GABRG3: variants seen among roughly 807,000 people sequenced by gnomAD.
GABRG3 encodes the protein gamma-aminobutyric acid receptor subunit gamma-3.
A neutral mutation model predicts 48.8 loss-of-function variants in GABRG3; 25 were observed. The ratio of observed to expected loss-of-function variants is 0.51; its 90% CI spans 0.37 to 0.72. The LOEUF (loss-of-function observed/expected upper bound fraction) is 0.72, where lower values mean the gene tolerates loss of function less well. Among genes scored for constraint, GABRG3 ranks in the 30% least tolerant of loss-of-function variants. The probability of loss-of-function intolerance (pLI) is 0.00; values close to 1 mark genes in which losing one functional copy is unlikely to be tolerated. For missense variants in GABRG3, 394 were observed against 577.9 expected, an observed-to-expected ratio of 0.68 and a Z score of 3.26; for synonymous variants, 227 against 217.6, an observed-to-expected ratio of 1.04 and a Z score of -0.38.
At chr15:27,166,394 A>G (rs553913671) in intron 3 of GABRG3, among the ~76,000 whole-genome samples, 1 of 152,342 alleles carries the variant, frequency 6.6e-6, no homozygotes, top group Non-Finnish European at 1.5e-5. Context: ...AATGTGGACA[A>G]CATCTTCTTC....
At chr15:27,269,295 G>C (rs1891011124) in intron 3 of GABRG3, among the ~76,000 whole-genome samples, 1 of 152,006 alleles carries the variant, frequency 6.6e-6, no homozygotes, top group Non-Finnish European at 1.5e-5. Context: ...AGTTTCTATT[G>C]GTCTACTTTA....
In GABRG3 at chr15:27,052,341, G is replaced by A. The variant is rs141921039; in HGVS notation, c.270+25520G>A. On this transcript the variant is annotated intron_variant, in intron 3 of 9. Transcript: ENST00000615808. ...CAAATGGTGACCAGATCAGAGAAAG[G>A]ACTCAGCCCTCAGGTGGTGGCACCA... Among the ~76,000 whole-genome samples the A allele has an allele frequency of 1.1e-4, 17 of 152,322 alleles. No homozygotes were observed. In the East Asian group the frequency reaches 3.1e-3, roughly 28 times the overall value.
At chr15:27,004,207 C>T (rs1378332115) in intron 2 of GABRG3, among the ~76,000 whole-genome samples, 24 of 151,196 alleles carry the variant, frequency 1.6e-4, no homozygotes, top group Non-Finnish European at 5.9e-5. Context: ...GGCTGCCGGG[C>T]GGAGGGGCTC....
chr15:27,112,404 C>T (rs1033572428), intron 3 of GABRG3, among the ~76,000 whole-genome samples: 1 of 151,400 alleles, frequency 6.6e-6, no homozygotes. Context: ...TTTATTTTCC[C>T]CTTAACCCCG....
intron 6 of GABRG3, among the ~76,000 whole-genome samples, chr15:27,506,331 T>C (rs1190297229): frequency 6.6e-6 from 1 of 152,214 alleles, no homozygotes; most frequent in Admixed American, 6.5e-5. Flanking sequence ...ACAAGCCCTT[T>C]ACAAATGGAG....
intron 3 of GABRG3, among the ~76,000 whole-genome samples, chr15:27,152,061 G>C (rs1365050710): frequency 6.6e-6 from 1 of 152,110 alleles, no homozygotes; most frequent in Non-Finnish European, 1.5e-5. Flanking sequence ...TAGAGAAGTA[G>C]ACCTTTTTTT....
intron 3 of GABRG3, among the ~76,000 whole-genome samples, chr15:27,277,221 A>G (rs1004977937): frequency 2.6e-5 from 4 of 152,228 alleles, no homozygotes; most frequent in Admixed American, 1.3e-4. Flanking sequence ...TGAAATCCAG[A>G]AAGGCAGTTC....
intron 3 of GABRG3, among the ~76,000 whole-genome samples, chr15:27,248,803 C>CACACACACAGAGAGAG (rs1377080195): frequency 3.1e-4 from 34 of 110,232 alleles, no homozygotes; most frequent in African/African-American, 1.1e-3. Context: ...CACACACACA[C>CACACACACAGAGAGAG]AGAGAGAGAG....
chr15:27,324,122 C>A (rs1595677544), intron 3 of GABRG3, among the ~76,000 whole-genome samples: 1 of 152,242 alleles, frequency 6.6e-6, no homozygotes, highest in African/African-American at 2.4e-5. Context: ...ATATTAGCTT[C>A]TGTCTTTCTC....
At chr15:27,129,689 C>T (rs1041963778) in intron 3 of GABRG3, among the ~76,000 whole-genome samples, 1 of 151,596 alleles carries the variant, frequency 6.6e-6, no homozygotes, top group Non-Finnish European at 1.5e-5. Flanking sequence ...CACATCCTCG[C>T]CAACACTTGT....
intron 3 of GABRG3, among the ~76,000 whole-genome samples, chr15:27,151,985 T>C (rs950761011): frequency 6.6e-6 from 1 of 152,212 alleles, no homozygotes; most frequent in Non-Finnish European, 1.5e-5. Flanking sequence ...AAGTTTTTCA[T>C]ACAGCAAATT....
Position 27,029,478 on chromosome 15 carries a change from C to T in GABRG3, c.270+2657C>T, listed in dbSNP as rs191321493. 1.3e-4 allele frequency among the ~76,000 whole-genome samples: 20 copies of T among 152,048 alleles called. No individual in the cohort carries two copies. The East Asian group carries it at 3.1e-3, about 24-fold the overall frequency. ...ACACGCATGCACACATGCACACACT[C>T]GTGCACACACACAGGCACACACGTA... On this transcript the variant is annotated intron_variant, in intron 3 of 9. Coordinates refer to ENST00000615808, the MANE Select transcript of GABRG3 (RefSeq NM_033223.5).
chr15:27,322,322 C>T (rs1271521286), intron 3 of GABRG3, among the ~76,000 whole-genome samples: 1 of 152,098 alleles, frequency 6.6e-6, no homozygotes, highest in Admixed American at 6.6e-5. Flanking sequence ...TAGGACGCTC[C>T]CCTCTGCTAC....
chr15:27,528,665 G>T (rs1385427660), intron 9 of GABRG3, among the ~76,000 whole-genome samples: 6 of 151,692 alleles, frequency 4.0e-5, no homozygotes, highest in Admixed American at 2.6e-4. Context: ...AGGAAAATGA[G>T]CTCTGCAAAC....
intron 3 of GABRG3, among the ~76,000 whole-genome samples, chr15:27,288,728 A>AT (rs1421183776): frequency 1.9e-4 from 24 of 124,286 alleles, no homozygotes; most frequent in Admixed American, 4.7e-4. Flanking sequence ...AAAAAAAAAA[A>AT]AAAATAAGAG....
chr15:27,202,933 T>C (rs753848830), intron 3 of GABRG3, among the ~76,000 whole-genome samples: 1 of 152,192 alleles, frequency 6.6e-6, no homozygotes, highest in African/African-American at 2.4e-5. Flanking sequence ...TCTTGACTAA[T>C]AGGATATACC....
chr15:27,139,073 G>GAC (rs1898059055), intron 3 of GABRG3, among the ~76,000 whole-genome samples: 1 of 152,110 alleles, frequency 6.6e-6, no homozygotes, highest in African/African-American at 2.4e-5. Context: ...CAGACAGACA[G>GAC]AGAGAGAGGT....
At chr15:27,054,204 A>C (rs1896502062) in intron 3 of GABRG3, among the ~76,000 whole-genome samples, 1 of 151,498 alleles carries the variant, frequency 6.6e-6, no homozygotes, top group Non-Finnish European at 1.5e-5. Flanking sequence ...GCACCACTAT[A>C]CTCCAGCCTG....
intron 3 of GABRG3, among the ~76,000 whole-genome samples, chr15:27,223,832 C>G (rs1280095842): frequency 6.6e-6 from 1 of 152,234 alleles, no homozygotes; most frequent in Non-Finnish European, 1.5e-5. Flanking sequence ...TGCAGGCACA[C>G]TGATTGCCCC....
Sources: gnomAD v4.1 joint callset for allele counts (sites outside exome capture counted in the v4.1 genomes callset) on GRCh38, gnomAD v4.1.1 for gene constraint, MANE v1.5 for transcripts, NCBI Gene and HGNC (gene_info 2026-07-23, HGNC 2026-07-21) for gene names.